CD163: variants seen among roughly 807,000 people sequenced by gnomAD.
CD163 encodes the protein CD163 molecule, also known as scavenger receptor cysteine-rich type 1 protein M130.
A neutral mutation model predicts 129.2 loss-of-function variants in CD163; 64 were observed. The ratio of observed to expected loss-of-function variants is 0.50; its 90% CI spans 0.41 to 0.61. The LOEUF is 0.61. Among genes scored for constraint, CD163 ranks in the 20% least tolerant of loss-of-function variants. The pLI, the probability that CD163 is intolerant of heterozygous loss-of-function variation, is 0.00. For synonymous variants in CD163, 446 were observed against 478.5 expected, an observed-to-expected ratio of 0.93 and a Z score of 0.89; for missense variants, 1,061 against 1,377.9, an observed-to-expected ratio of 0.77 and a Z score of 3.64.
rs940247660 is a variant in CD163 at position 7,496,345 on chromosome 12, G to A, written c.1099+468C>T. Among the ~76,000 whole-genome samples, 1 of 151,642 alleles carries A rather than the reference G, an allele frequency of 6.6e-6. No homozygotes were observed. The highest frequency in any genetic ancestry group is 1.5e-5 in the Non-Finnish European group (1 of 67,966). ...CCTGTCAATGGGTGGGGGGAAAGGGGAGGGAGAGCATTAGGACAAATACCT... is the reference window on the plus strand; with the variant it reads ...CCTGTCAATGGGTGGGGGGAAAGGGAAGGGAGAGCATTAGGACAAATACCT... On this transcript the variant is annotated intron_variant, in intron 5 of 16. Transcript: ENST00000432237. This position sits in a 1 kb window ranked among gnomAD's most constrained non-coding sequence, Gnocchi z 4.8.
intron 3 of CD163, among the ~76,000 whole-genome samples, chr12:7,500,526 G>T (rs1256227303): frequency 6.6e-6 from 1 of 151,746 alleles, no homozygotes; most frequent in Non-Finnish European, 1.5e-5. Flanking sequence ...CAGCAGAAAG[G>T]CCTGACACAT....
In CD163 at chr12:7,482,891, A is replaced by T. The variant is rs1453832616; in HGVS notation, c.3127+75T>A. 3 of 1,590,722 alleles carry T rather than the reference A, an allele frequency of 1.9e-6. No individual in the cohort carries two copies. The East Asian group carries it at 6.7e-5, about 36-fold the overall frequency. ...AAATATCAAATCCTCAGAACGTCTG[A>T]CCTAAAATTTCTAAACAAGAAAAAT... On this transcript the variant is annotated intron_variant, in intron 13 of 16. Transcript: ENST00000432237.
At chr12:7,488,877 T>G (rs1490598867) in intron 6 of CD163, among the ~76,000 whole-genome samples, 4 of 152,178 alleles carry the variant, frequency 2.6e-5, no homozygotes, top group Admixed American at 2.6e-4. Flanking sequence ...CCACCTAAAA[T>G]TGACCCACTT....
intron 1 of CD163, 124 bp from the exon 2 acceptor site, chr12:7,502,688 A>G: frequency 1.5e-6 from 1 of 674,630 alleles, no homozygotes. Context: ...TTCATTCTAA[A>G]TTGCAAGGCA....
intron 1 of CD163, 72 bp from the exon 2 acceptor site, chr12:7,502,636 G>A (rs777196676): frequency 1.0e-5 from 8 of 800,962 alleles, no homozygotes; most frequent in Non-Finnish European, 1.7e-5. Flanking sequence ...GATGGTTTCA[G>A]AGGTTAATTA....
intron 11 of CD163, among the ~76,000 whole-genome samples, chr12:7,484,696 C>T (rs1949224167): frequency 6.8e-6 from 1 of 146,348 alleles, no homozygotes; most frequent in Non-Finnish European, 1.5e-5. Flanking sequence ...ATTGATCTTT[C>T]TGATTTCTGA....
At position 7,497,092 on chromosome 12, in the gene CD163, C is replaced by G. The variant is rs1296329230; in HGVS notation, c.820G>C (p.Glu274Gln). Residue 274 changes from glutamate (E) to glutamine (Q), a missense_variant, in exon 5 of 17, where the codon GAA (glutamate) becomes CAA (glutamine). Physicochemically the swap from Glu to Gln is conservative, Grantham distance 29. Coordinates refer to ENST00000432237, the MANE Select transcript of CD163 (RefSeq NM_203416.4). ...LSLRLVDGVT[E>Q]CSGRLEVRFQ... ...CTCACTTCTAATCTTCCTGAACATT[C>G]AGTGACTCCATCTACCAGTCTCAGG... 6.2e-7 allele frequency: 1 copy of G among 1,613,982 alleles called. No individual in the cohort carries two copies. Among genetic ancestry groups the G allele is most frequent in the Non-Finnish European group, 8.5e-7 (1 of 1,179,994 alleles).
Position 7,483,377 on chromosome 12 carries a change from C to A in CD163, c.3078G>T (p.Val1026=), listed in dbSNP as rs368492058. The A allele has an allele frequency of 8.7e-6, 14 of 1,612,242 alleles. No homozygotes were observed. Among genetic ancestry groups the A allele is most frequent in the Admixed American group, 1.7e-5 (1 of 59,934 alleles). ...GCTTCTGGCACTTACCTGTGCAATT[C>A]ACTGCAGCGTCTTCCTTGTGCCCAC... ...SECGHKEDAA[V]NCTDISVQKT... The change falls in exon 12 of 17, where the codon GTG becomes GTT. Residue 1026 remains valine (V), a synonymous_variant. Transcript: ENST00000432237.
intron 2 of CD163, among the ~76,000 whole-genome samples, 158 bp from the exon 3 acceptor site, chr12:7,501,620 A>G (rs1949491079): frequency 6.6e-6 from 1 of 152,262 alleles, no homozygotes; most frequent in Non-Finnish European, 1.5e-5. Flanking sequence ...CAGTCATTCA[A>G]ATATAAGTAT....
rs760350585 is a variant in CD163, at chr12:7,486,537, T to C, written c.2420A>G (p.Asn807Ser). 35 of 1,614,082 alleles carry C rather than the reference T, an allele frequency of 2.2e-5. No homozygotes were observed. Among genetic ancestry groups the C allele is most frequent in the Non-Finnish European group, 2.8e-5 (33 of 1,180,026 alleles). Residue 807 changes from asparagine to serine, a missense_variant, in exon 10 of 17, where the codon AAT becomes AGT. By Grantham distance (46) the Asn-to-Ser change is conservative. Coordinates refer to ENST00000432237, the MANE Select transcript of CD163 (RefSeq NM_203416.4). ...TCCCGCATCCTCCTTGTGCCTGCAA[T>C]TTTGCTGCCCCCAGCCGTGTGAATG... ...QCHSHGWGQQ[N>S]CRHKEDAGVI...
At chr12:7,477,991 T>G (rs1023881034) in intron 16 of CD163, among the ~76,000 whole-genome samples, 1 of 152,198 alleles carries the variant, frequency 6.6e-6, no homozygotes, top group Admixed American at 6.5e-5. Flanking sequence ...ATGTAAGCAT[T>G]GTATTTAATT....
rs112849142 is a variant in CD163 at position 7,496,081 on chromosome 12, C to T, written c.1100-680G>A. The stretch of plus-strand genomic sequence containing the variant: ...CAAAGACTTGGAACCAACCCAAATG[C>T]CCATCAATAATAGACTGGATAAAGA... On this transcript the variant is annotated intron_variant, in intron 5 of 16. Coordinates refer to ENST00000432237, the MANE Select transcript of CD163 (RefSeq NM_203416.4). The surrounding 1 kb of genome is among the most constrained non-coding windows in gnomAD (Gnocchi z 4.8). 0.01 allele frequency among the ~76,000 whole-genome samples: 1,586 copies of T among 152,228 alleles called. 29 individuals carry two copies. The highest frequency in any genetic ancestry group is 0.036 in the African/African-American group (1,505 of 41,532).
intron 15 of CD163, chr12:7,480,297 T>G (rs1182256593): frequency 4.4e-6 from 1 of 229,498 alleles, no homozygotes; most frequent in African/African-American, 2.4e-5. Context: ...GGTTTTGGGA[T>G]ATTTCTTCCA....
At position 7,486,809 on chromosome 12, in the gene CD163, A is replaced by T. The variant is rs761179199; in HGVS notation, c.2148T>A (p.Ser716Arg). Residue 716 changes from serine (S) to arginine (R), a missense_variant, in exon 10 of 17, where the codon AGT (serine) becomes AGA (arginine). By Grantham distance (110) the Ser-to-Arg change is moderately radical. Coordinates refer to ENST00000432237, the MANE Select transcript of CD163 (RefSeq NM_203416.4). Reference protein sequence around the residue: ...PEESAVACIESGQLRLVNGGG... With the variant: ...PEESAVACIERGQLRLVNGGG... ...CTCCATTTACCAGGCGAAGTTGACC[A>T]CTCTCTGCAAAGAGAAATGAAACTA... The T allele has an allele frequency of 3.7e-6, 6 of 1,607,574 alleles. 1 individual carries two copies. Among genetic ancestry groups the T allele is most frequent in the African/African-American group, 1.3e-5 (1 of 74,638 alleles).
In CD163 at chr12:7,483,159, A is replaced by G. The variant is rs1353031714; in HGVS notation, c.3089-155T>C. Reference sequence around the variant, plus strand: ...TCCTCTAGTCTTTCTTTCTCTGCACAGGGAATATAGGTTGTATGTGTCTCC... The same window carrying G: ...TCCTCTAGTCTTTCTTTCTCTGCACGGGGAATATAGGTTGTATGTGTCTCC... On this transcript the variant is annotated intron_variant, in intron 12 of 16. Transcript: ENST00000432237. 5 of 829,194 alleles carry G rather than the reference A, an allele frequency of 6.0e-6. No homozygotes were observed. In the African/African-American group the frequency reaches 6.9e-5, roughly 11 times the overall value. The allele number at this position is 829,194 out of a possible 1,614,324, so 51.4% of individuals were successfully genotyped here.
At chr12:7,491,222 C>G (rs1276951239) in intron 6 of CD163, among the ~76,000 whole-genome samples, 1 of 151,994 alleles carries the variant, frequency 6.6e-6, no homozygotes, top group Non-Finnish European at 1.5e-5. Context: ...CTATAAGTAT[C>G]CTCTTGTTTT....
At chr12:7,478,646 C>G (rs1949120817) in intron 16 of CD163, among the ~76,000 whole-genome samples, 1 of 151,918 alleles carries the variant, frequency 6.6e-6, no homozygotes, top group African/African-American at 2.4e-5. Flanking sequence ...AAAATTAGCT[C>G]TGCATTTTAT....
At chr12:7,501,020 C>T in intron 3 of CD163, 119 bp downstream of exon 3, 1 of 832,998 alleles carries the variant, frequency 1.2e-6, no homozygotes, top group South Asian at 1.7e-5. Flanking sequence ...GGATGGAGTA[C>T]TTTTATACAT....
intron 16 of CD163, among the ~76,000 whole-genome samples, chr12:7,477,288 CAT>C (rs1401745652): frequency 1.3e-5 from 2 of 151,600 alleles, no homozygotes; most frequent in African/African-American, 2.4e-5. Context: ...CACAGGCACA[CAT>C]GTTTATTGCA....
Sources: gnomAD v4.1 joint callset for allele counts (sites outside exome capture counted in the v4.1 genomes callset) on GRCh38, gnomAD v4.1.1 for gene constraint, Gnocchi (gnomAD v3.1) non-coding constraint, MANE v1.5 for transcripts, NCBI Gene and HGNC (gene_info 2026-07-23, HGNC 2026-07-21) for gene names.